The following ZNF273 variants were observed in gnomAD, a reference collection of about 807,000 sequenced individuals.
ZNF273 encodes zinc finger protein 9.
ZNF273 carries 11 observed loss-of-function variants against 14.9 expected under a neutral mutation model. The ratio of observed to expected loss-of-function variants is 0.74; its 90% CI spans 0.46 to 1.22. The LOEUF is 1.22. Ranked by LOEUF, ZNF273 falls within the 50% of genes most tolerant of loss-of-function variation. The pLI, the probability that ZNF273 is intolerant of heterozygous loss-of-function variation, is 0.00. For synonymous variants in ZNF273, 199 were observed against 223.9 expected, an observed-to-expected ratio of 0.89 and a Z score of 0.99; for missense variants, 577 against 660.6, an observed-to-expected ratio of 0.87 and a Z score of 1.39.
intron 3 of ZNF273, chr7:64,924,249 G>C (rs570553611): frequency 6.6e-6 from 1 of 152,078 alleles, no homozygotes; most frequent in Non-Finnish European, 1.5e-5. Flanking sequence ...TTATTTGGTG[G>C]TCTGTCAAGA....
At chr7:64,893,058 G>C (rs1792131230), downstream of ZNF273, among the ~76,000 whole-genome samples, 1 of 151,958 alleles carries the variant, frequency 6.6e-6, no homozygotes, top group Admixed American at 6.6e-5. Flanking sequence ...CAAGCTTCCA[G>C]CTTGCTTATC....
chr7:64,896,003 TTC>T (rs1471616315), intron 3 of ZNF273, among the ~76,000 whole-genome samples: 3 of 152,062 alleles, frequency 2.0e-5, no homozygotes, highest in Non-Finnish European at 2.9e-5. Context: ...AGCTTTTATT[TTC>T]TTTTTTCTTT....
chr7:64,922,665 T>A (rs1794555204), intron 3 of ZNF273, among the ~76,000 whole-genome samples: 1 of 151,720 alleles, frequency 6.6e-6, no homozygotes, highest in South Asian at 2.1e-4. Context: ...CCCAGGCTGG[T>A]CTCAAACTCC....
At position 64,928,047 on chromosome 7, in the gene ZNF273, G is replaced by C. The variant is rs1355014449; in HGVS notation, c.719G>C (p.Gly240Ala). ...RVNFYKCKTC[G>A]KAFNQFSNLT... is the part of the protein sequence containing the mutation. Reference sequence around the variant, plus strand: ...AATTTCTACAAATGTAAGACATGTGGAAAAGCCTTTAACCAGTTCTCAAAT... The same window carrying C: ...AATTTCTACAAATGTAAGACATGTGCAAAAGCCTTTAACCAGTTCTCAAAT... Residue 240 changes from glycine to alanine, a missense_variant, in exon 4 of 4, where the codon GGA (glycine) becomes GCA (alanine). This residue lies in a region of ZNF273 where 411 missense variants were observed against 440.4 expected (regional missense o/e 0.93). Coordinates refer to ENST00000476120, the MANE Select transcript of ZNF273 (RefSeq NM_021148.3). 1 of 1,613,986 alleles carries C rather than the reference G, an allele frequency of 6.2e-7. No individual in the cohort carries two copies. Among genetic ancestry groups the C allele is most frequent in the Non-Finnish European group, 8.5e-7 (1 of 1,179,940 alleles).
chr7:64,928,230 T>C lies in ZNF273; in HGVS notation c.902T>C (p.Val301Ala), dbSNP rs1794859295. The change falls in exon 4 of 4, where the codon GTA becomes GCA. Residue 301 changes from valine (V) to alanine (A), a missense_variant. Val to Ala is a moderately conservative substitution (Grantham distance 64, BLOSUM62 0). This residue lies in a region of ZNF273 where 411 missense variants were observed against 440.4 expected (regional missense o/e 0.93). Transcript: ENST00000476120. The stretch of plus-strand genomic sequence containing the variant: ...GAAGATTGTGGCAAAGTCTTTAGTG[T>C]ATTTTCAGTCCTTACTAAACATAAG... ...KCEDCGKVFS[V>A]FSVLTKHKII... The C allele has an allele frequency of 6.2e-7, 1 of 1,612,952 alleles. No individual in the cohort carries two copies. Among genetic ancestry groups the C allele is most frequent in the South Asian group, 1.1e-5 (1 of 90,920 alleles).
chr7:64,878,739 G>A (rs1583945834), intron 2 of ZNF273, among the ~76,000 whole-genome samples: 1 of 152,314 alleles, frequency 6.6e-6, no homozygotes, highest in South Asian at 2.1e-4. Context: ...GAGCCACATG[G>A]CAGTGGGATG....
intron 3 of ZNF273, chr7:64,923,393 T>G: frequency 2.2e-6 from 1 of 455,128 alleles, no homozygotes; most frequent in South Asian, 1.6e-5. Context: ...CAGGTTGGAG[T>G]GCAGTGGCGT....
intron 1 of ZNF273, among the ~76,000 whole-genome samples, chr7:64,885,996 G>T (rs1791552359): frequency 6.6e-6 from 1 of 152,206 alleles, no homozygotes; most frequent in Non-Finnish European, 1.5e-5. Context: ...GGGGCCTTGG[G>T]CAGAAGCAGG....
At chr7:64,924,888 C>T (rs1252536695) in intron 3 of ZNF273, among the ~76,000 whole-genome samples, 6 of 151,940 alleles carry the variant, frequency 3.9e-5, no homozygotes, top group Middle Eastern at 3.4e-3. Context: ...CTGCAACTTC[C>T]GCCTCCCAGG....
chr7:64,916,958 T>C, intron 1 of ZNF273: 1 of 1,192,908 alleles, frequency 8.4e-7, no homozygotes, highest in South Asian at 1.6e-5. Context: ...ATCTGGAAGC[T>C]GCCCTTCTTT....
At chr7:64,881,969 C>A (rs914088482), downstream of ZNF273, among the ~76,000 whole-genome samples, 23 of 152,288 alleles carry the variant, frequency 1.5e-4, no homozygotes, top group African/African-American at 5.1e-4. Flanking sequence ...CCTCACGTGC[C>A]CCCGTGGGAT....
Position 64,929,009 on chromosome 7 carries a change from A to C in ZNF273, c.1681A>C (p.Lys561Gln), listed in dbSNP as rs1361908492. The change falls in exon 4 of 4, where the codon AAA becomes CAA. Residue 561 changes from lysine to glutamine, a missense_variant. Lys to Gln is a moderately conservative substitution (Grantham distance 53). Around this residue, in one of 3 missense-constraint regions of ZNF273, gnomAD observed 411 missense variants for 440.4 expected, o/e 0.93. Transcript: ENST00000476120. ...CAACACCCCAAACTTTTCTAGACATAAAAGAAATCATATGGGTGAGAAATC... is the reference window on the plus strand; with the variant it reads ...CAACACCCCAAACTTTTCTAGACATCAAAGAAATCATATGGGTGAGAAATC... Reference protein sequence around the residue: ...FDNTPNFSRHKRNHMGEKS With the variant: ...FDNTPNFSRHQRNHMGEKS The C allele has an allele frequency of 6.4e-7, 1 of 1,558,086 alleles. No individual in the cohort carries two copies. Among genetic ancestry groups the C allele is most frequent in the South Asian group, 1.3e-5 (1 of 79,504 alleles).
At chr7:64,889,439 C>T (rs920909631), downstream of ZNF273, 11 of 985,828 alleles carry the variant, frequency 1.1e-5, no homozygotes, top group East Asian at 1.1e-4. This position sits in a 1 kb window ranked among gnomAD's most constrained non-coding sequence, Gnocchi z 4.2. Flanking sequence ...CACTCGGGCT[C>T]GGGTGGCCTC....
At chr7:64,903,674 T>C (rs1248964939) in intron 1 of ZNF273, among the ~76,000 whole-genome samples, 1 of 152,164 alleles carries the variant, frequency 6.6e-6, no homozygotes, top group Non-Finnish European at 1.5e-5. Context: ...CCTGGGCAGC[T>C]CTGCTGCCGC....
chr7:64,900,960 G>A (rs35438552), upstream of ZNF273, among the ~76,000 whole-genome samples: 24 of 151,904 alleles, frequency 1.6e-4, 1 homozygote, highest in East Asian at 2.9e-3. Context: ...CATGCCACGA[G>A]GATTATAGGC....
At chr7:64,896,230 TA>T (rs756532464) in intron 3 of ZNF273, among the ~76,000 whole-genome samples, 3 of 152,114 alleles carry the variant, frequency 2.0e-5, no homozygotes, top group Non-Finnish European at 4.4e-5. Flanking sequence ...TAGCAATTTC[TA>T]AAGCTCCAAA....
At chr7:64,933,040 C>T (rs889049599), downstream of ZNF273, among the ~76,000 whole-genome samples, 2 of 152,066 alleles carry the variant, frequency 1.3e-5, no homozygotes, top group African/African-American at 2.4e-5. Context: ...GGCGCCATCT[C>T]GGCTCACTGC....
intron 1 of ZNF273, among the ~76,000 whole-genome samples, chr7:64,908,332 A>T (rs1191726248): frequency 6.6e-6 from 1 of 152,198 alleles, no homozygotes; most frequent in Non-Finnish European, 1.5e-5. Flanking sequence ...TGGTGTGCAG[A>T]TTATTTTGTC....
At chr7:64,903,614 G>A (rs1792884378) in intron 1 of ZNF273, among the ~76,000 whole-genome samples, 195 bp downstream of exon 1, 2 of 152,194 alleles carry the variant, frequency 1.3e-5, no homozygotes, top group African/African-American at 4.8e-5. Flanking sequence ...GGGATCCCGG[G>A]CGTCCTGTCT....
Sources: allele counts gnomAD v4.1 joint callset (sites outside exome capture counted in the v4.1 genomes callset), GRCh38; gene constraint gnomAD v4.1.1; regional missense constraint gnomAD v4.1.1; non-coding constraint Gnocchi (gnomAD v3.1); transcripts MANE v1.5; gene names NCBI Gene and HGNC (gene_info 2026-07-23, HGNC 2026-07-21).